The following SMYD3 variants were observed in gnomAD, a reference collection of about 807,000 sequenced individuals.
SMYD3 encodes SET and MYND domain containing 3.
Under a neutral mutation model 57.7 loss-of-function variants are expected in SMYD3, and 36 were observed. That is an observed-to-expected ratio of 0.62 (90% CI 0.48 to 0.82). The LOEUF (loss-of-function observed/expected upper bound fraction) is 0.82. Among genes scored for constraint, SMYD3 ranks in the 40% least tolerant of loss-of-function variants. SMYD3 has a pLI of 0.00. For synonymous variants in SMYD3, 211 were observed against 195.0 expected (o/e 1.08, Z -0.68); for missense variants, 515 against 538.8 (o/e 0.96, Z 0.44).
intron 5 of SMYD3, among the ~76,000 whole-genome samples, chr1:245,971,470 T>G (rs2058301635): frequency 6.6e-6 from 1 of 152,188 alleles, no homozygotes; most frequent in Non-Finnish European, 1.5e-5. Flanking sequence ...AATGTGTCAT[T>G]TGAGTAGCTC....
intron 1 of SMYD3, among the ~76,000 whole-genome samples, chr1:246,392,322 A>C (rs1234782188): frequency 6.6e-6 from 1 of 152,230 alleles, no homozygotes; most frequent in East Asian, 1.9e-4. Context: ...GAAACGCATG[A>C]AAGAATTACT....
At chr1:246,157,629 AC>A (rs2062042107) in intron 5 of SMYD3, among the ~76,000 whole-genome samples, 1 of 127,214 alleles carries the variant, frequency 7.9e-6, no homozygotes, top group Admixed American at 8.8e-5. Flanking sequence ...CCTCCTTGCC[AC>A]AACAATAAGC....
At chr1:246,062,733 C>A (rs1211596168) in intron 5 of SMYD3, among the ~76,000 whole-genome samples, 1 of 152,112 alleles carries the variant, frequency 6.6e-6, no homozygotes, top group Non-Finnish European at 1.5e-5. Context: ...TCCTAAGCAT[C>A]CTTATGGCAC....
At chr1:246,413,716 T>C (rs1435199799) in intron 1 of SMYD3, among the ~76,000 whole-genome samples, 3 of 152,080 alleles carry the variant, frequency 2.0e-5, no homozygotes, top group African/African-American at 2.4e-5. Context: ...TCTACCATGA[T>C]TGTAAGCTCC....
intron 5 of SMYD3, among the ~76,000 whole-genome samples, chr1:246,167,537 G>A (rs963277466): frequency 2.0e-5 from 3 of 147,312 alleles, no homozygotes; most frequent in South Asian, 2.2e-4. Flanking sequence ...TGAAGACGGA[G>A]TCTCGCTCTG....
At chr1:246,356,069 G>T (rs2065906426) in intron 1 of SMYD3, among the ~76,000 whole-genome samples, 1 of 152,030 alleles carries the variant, frequency 6.6e-6, no homozygotes, top group Non-Finnish European at 1.5e-5. Context: ...ACAACCAAGG[G>T]CCCTTGTAGA....
intron 10 of SMYD3, among the ~76,000 whole-genome samples, chr1:245,812,701 C>CA (rs10636374): frequency 0.098 from 12,855 of 130,878 alleles, 825 homozygotes; most frequent in East Asian, 0.18. Flanking sequence ...ACAACAGTTC[C>CA]AAAAAAAAAA....
intron 5 of SMYD3, among the ~76,000 whole-genome samples, chr1:245,986,210 T>TTAA (rs2058701775): frequency 3.7e-5 from 1 of 26,762 alleles, no homozygotes; most frequent in Non-Finnish European, 2.9e-4. Flanking sequence ...TTCAAGGAAC[T>TTAA]GAGAGAGGAC....
At chr1:245,861,681 T>G (rs1485454448) in intron 9 of SMYD3, among the ~76,000 whole-genome samples, 1 of 152,206 alleles carries the variant, frequency 6.6e-6, no homozygotes, top group African/African-American at 2.4e-5. Context: ...TTCTCTTGGT[T>G]GGTCTGGTGA....
chr1:246,060,527 A>C (rs7551247), intron 5 of SMYD3, among the ~76,000 whole-genome samples: 130,190 of 151,916 alleles, frequency 0.86, 56,013 homozygotes, highest in Admixed American at 0.9. Flanking sequence ...CTGAAGATAA[A>C]AAAGGAAAAA....
intron 10 of SMYD3, among the ~76,000 whole-genome samples, chr1:245,806,345 G>A (rs1245582468): frequency 1.3e-5 from 2 of 152,232 alleles, no homozygotes; most frequent in East Asian, 3.9e-4. Context: ...CATATTGCTA[G>A]GATTTGTCTT....
At chr1:246,115,897 C>G (rs6426277) in intron 5 of SMYD3, among the ~76,000 whole-genome samples, 55,864 of 151,854 alleles carry the variant, frequency 0.37, 13,770 homozygotes, top group African/African-American at 0.68. Flanking sequence ...CCAGCACTTC[C>G]GGAGGCCAAG....
At chr1:245,946,682 G>A (rs962602783) in intron 5 of SMYD3, among the ~76,000 whole-genome samples, 2 of 152,074 alleles carry the variant, frequency 1.3e-5, no homozygotes, top group South Asian at 2.1e-4. Flanking sequence ...GCTAAAGGTC[G>A]GGTCTGAAAC....
At chr1:245,833,314 A>C (rs1198337294) in intron 10 of SMYD3, among the ~76,000 whole-genome samples, 1 of 152,114 alleles carries the variant, frequency 6.6e-6, no homozygotes, top group African/African-American at 2.4e-5. Context: ...GCATCTACCC[A>C]CGTCTCTTTT....
chr1:246,321,128 CA>C (rs1365483970), intron 5 of SMYD3, among the ~76,000 whole-genome samples: 1 of 152,176 alleles, frequency 6.6e-6, no homozygotes, highest in African/African-American at 2.4e-5. Context: ...TTCTTCTCAA[CA>C]AAACAGGTAA....
chr1:246,273,830 G>A (rs1216049115), intron 5 of SMYD3, among the ~76,000 whole-genome samples: 1 of 151,874 alleles, frequency 6.6e-6, no homozygotes, highest in Non-Finnish European at 1.5e-5. Context: ...TGGTCCACCG[G>A]CCTCCTTAAG....
intron 5 of SMYD3, among the ~76,000 whole-genome samples, chr1:246,061,841 C>T (rs1383277243): frequency 1.3e-5 from 2 of 152,258 alleles, no homozygotes; most frequent in East Asian, 3.9e-4. Flanking sequence ...CCTTGATAGA[C>T]CGGCACTATT....
At chr1:245,803,897 A>T (rs1450767030) in intron 10 of SMYD3, among the ~76,000 whole-genome samples, 1 of 148,680 alleles carries the variant, frequency 6.7e-6, no homozygotes, top group Non-Finnish European at 1.5e-5. Flanking sequence ...TGGACTTTCC[A>T]GTTACGTAAG....
chr1:245,758,483 G>A (rs1445026512), intron 11 of SMYD3, among the ~76,000 whole-genome samples: 1 of 152,028 alleles, frequency 6.6e-6, no homozygotes, highest in East Asian at 1.9e-4. Flanking sequence ...GGTCCCCTGA[G>A]GCACTGTTCA....
Sources: allele counts gnomAD v4.1 joint callset (sites outside exome capture counted in the v4.1 genomes callset), GRCh38; gene constraint gnomAD v4.1.1; transcripts MANE v1.5; gene names NCBI Gene and HGNC (gene_info 2026-07-23, HGNC 2026-07-21).